UPB1: variants seen among roughly 807,000 people sequenced by gnomAD.
UPB1 encodes the protein beta-ureidopropionase 1.
In UPB1, 40 loss-of-function variants were observed where a neutral mutation model predicts 49.1. The ratio of observed to expected loss-of-function variants is 0.81; its 90% confidence interval spans 0.63 to 1.06. The LOEUF is 1.06. UPB1 is among the 50% of genes least tolerant of loss of function. The pLI, the probability that UPB1 is intolerant of heterozygous loss-of-function variation, is 0.00. For synonymous variants in UPB1, 207 were observed against 198.2 expected (o/e 1.04, Z -0.38); for missense variants, 499 against 505.9 (o/e 0.99, Z 0.13).
chr22:24,510,629 C>A, intron 3 of UPB1, 120 bp from the exon 4 acceptor site: 1 of 1,089,834 alleles, frequency 9.2e-7, no homozygotes, highest in Non-Finnish European at 1.4e-6. Context: ...GACCCAGAAG[C>A]CAGGCCATGG....
At chr22:24,514,337 GC>G (rs2044257570) in intron 5 of UPB1, among the ~76,000 whole-genome samples, 2 of 152,070 alleles carry the variant, frequency 1.3e-5, no homozygotes, top group Admixed American at 6.6e-5. Context: ...GGGAAGACGC[GC>G]CCCTCACCTG....
chr22:24,495,432 A>C lies in UPB1; in HGVS notation c.29A>C (p.Glu10Ala). The change falls in exon 1 of 10, where the codon GAG (glutamate) becomes GCG (alanine). Residue 10 changes from glutamate to alanine, a missense_variant. Glu to Ala is a moderately radical substitution (Grantham distance 107). Coordinates refer to ENST00000326010, the MANE Select transcript of UPB1 (RefSeq NM_016327.3). MAGAEWKSL[E>A]ECLEKHLPLP... The stretch of plus-strand genomic sequence containing the variant: ...GCGGGCGCTGAGTGGAAGTCGCTGG[A>C]GGAATGCTTGGAGAAGCACCTGCCG... 6.2e-7 allele frequency: 1 copy of C among 1,613,670 alleles called. No homozygotes were observed. The highest frequency in any genetic ancestry group is 8.5e-7 in the Non-Finnish European group (1 of 1,180,032).
At chr22:24,514,727 T>A (rs2044263252) in intron 5 of UPB1, among the ~76,000 whole-genome samples, 1 of 152,164 alleles carries the variant, frequency 6.6e-6, no homozygotes, top group Non-Finnish European at 1.5e-5. Flanking sequence ...CCTTAATCAT[T>A]TGGGCGAGCT....
chr22:24,511,054 C>G (rs1449133071), intron 4 of UPB1, among the ~76,000 whole-genome samples: 3 of 152,034 alleles, frequency 2.0e-5, no homozygotes, highest in African/African-American at 7.2e-5. Flanking sequence ...GGGCCATTAG[C>G]TTTTTCAGGC....
chr22:24,496,422 C>T (rs866680077), intron 1 of UPB1, among the ~76,000 whole-genome samples: 5 of 150,788 alleles, frequency 3.3e-5, no homozygotes, highest in African/African-American at 1.2e-4. Context: ...CACACACACA[C>T]ACACGTCTTT....
chr22:24,499,374 T>G (rs2043948185), intron 1 of UPB1, among the ~76,000 whole-genome samples: 2 of 152,212 alleles, frequency 1.3e-5, no homozygotes, highest in African/African-American at 4.8e-5. Context: ...CCTCTGTGGC[T>G]TTCACCTTCG....
At chr22:24,502,604 C>A in intron 3 of UPB1, 2 of 714,888 alleles carry the variant, frequency 2.8e-6, no homozygotes, top group South Asian at 1.5e-5. Context: ...GTAGTATGTA[C>A]CTTTGTGGTT....
intron 2 of UPB1, among the ~76,000 whole-genome samples, chr22:24,501,262 G>A (rs934970195): frequency 6.6e-6 from 1 of 152,222 alleles, no homozygotes; most frequent in African/African-American, 2.4e-5. Context: ...TCTCAAAGGA[G>A]GAGACTATAG....
At chr22:24,516,318 G>A (rs879278162) in intron 6 of UPB1, among the ~76,000 whole-genome samples, 109 of 152,264 alleles carry the variant, frequency 7.2e-4, no homozygotes, top group Non-Finnish European at 2.4e-4. Context: ...CCGGAAGCCC[G>A]AGAACTGGGC....
chr22:24,496,404 T>TACATACAC (rs2043885327), intron 1 of UPB1, among the ~76,000 whole-genome samples: 1 of 126,894 alleles, frequency 7.9e-6, no homozygotes, highest in African/African-American at 2.8e-5. Flanking sequence ...CACACACACA[T>TACATACAC]ACACACACAC....
Position 24,515,278 on chromosome 22 carries a change from C to T in UPB1, c.699C>T (p.Cys233=). 1.2e-6 allele frequency: 2 copies of T among 1,614,180 alleles called. No individual in the cohort carries two copies. Among genetic ancestry groups the T allele is most frequent in the South Asian group, 2.2e-5 (2 of 91,078 alleles). The part of the protein sequence containing the change: ...TQFGRIAVNI[C]YGRHHPLNWL... ...TCGGAAGGATCGCGGTGAACATTTGCTACGGGCGGCACCACCCCCTCAACT... is the reference window on the plus strand; with the variant it reads ...TCGGAAGGATCGCGGTGAACATTTGTTACGGGCGGCACCACCCCCTCAACT... Residue 233 remains cysteine (C), a synonymous_variant, in exon 6 of 10, where the codon TGC becomes TGT. Coordinates refer to ENST00000326010, the MANE Select transcript of UPB1 (RefSeq NM_016327.3).
In UPB1 at chr22:24,522,592, G is replaced by A. The variant is rs190708552; in HGVS notation, c.916+564G>A. On this transcript the variant is annotated intron_variant, in intron 8 of 9. Coordinates refer to ENST00000326010, the MANE Select transcript of UPB1 (RefSeq NM_016327.3). ...TCACCAAGGAGGTATCTGAACCTTGGTGAGGTAGCTTGGACACTTGGAGGT... is the reference window on the plus strand; with the variant it reads ...TCACCAAGGAGGTATCTGAACCTTGATGAGGTAGCTTGGACACTTGGAGGT... Among the ~76,000 whole-genome samples the A allele has an allele frequency of 1.8e-3, 276 of 152,074 alleles. 2 individuals are homozygous for A. The highest frequency in any genetic ancestry group is 6.4e-3 in the African/African-American group (265 of 41,484).
At chr22:24,519,197 T>C (rs554754798) in intron 6 of UPB1, among the ~76,000 whole-genome samples, 9 of 152,266 alleles carry the variant, frequency 5.9e-5, no homozygotes, top group Admixed American at 3.9e-4. Flanking sequence ...ATGAGTCCCC[T>C]CAATCAAGCC....
At chr22:24,496,155 A>G (rs1046784682) in intron 1 of UPB1, among the ~76,000 whole-genome samples, 3 of 151,704 alleles carry the variant, frequency 2.0e-5, no homozygotes, top group African/African-American at 7.3e-5. Context: ...GATTGCTTGA[A>G]CTCAGGAGTT....
chr22:24,517,750 G>C (rs920161427), intron 6 of UPB1, among the ~76,000 whole-genome samples: 20 of 152,350 alleles, frequency 1.3e-4, no homozygotes, highest in African/African-American at 4.8e-4. Flanking sequence ...GTGTGGTGAG[G>C]CTGGCAGTAA....
intron 1 of UPB1, among the ~76,000 whole-genome samples, chr22:24,497,356 C>T (rs2043911327): frequency 6.6e-6 from 1 of 152,182 alleles, no homozygotes; most frequent in South Asian, 2.1e-4. Context: ...GATTCACCCC[C>T]GCCATGAGCA....
chr22:24,495,646 A>G (rs2043856655), intron 1 of UPB1, 139 bp downstream of exon 1: 1 of 905,228 alleles, frequency 1.1e-6, no homozygotes, highest in African/African-American at 1.6e-5. Context: ...CAGAGACCAT[A>G]GTAGGTCTTG....
chr22:24,497,614 G>GCC lies in UPB1; in HGVS notation c.104+2108_104+2109dup, dbSNP rs1331326057. 2.0e-3 allele frequency among the ~76,000 whole-genome samples: 305 copies of GCC among 152,292 alleles called. 4 individuals are homozygous for GCC. Among genetic ancestry groups the GCC allele is most frequent in the Middle Eastern group, 3.4e-3 (1 of 294 alleles). On this transcript the variant is annotated intron_variant, in intron 1 of 9. Coordinates refer to ENST00000326010, the MANE Select transcript of UPB1 (RefSeq NM_016327.3). ...TTGAAGGGAAGCCCTGAGTGGGGAG[G>GCC]CCTCAGTAGCAGGGTGAGGGGTAGA...
At chr22:24,523,051 C>T (rs1403256670) in intron 8 of UPB1, among the ~76,000 whole-genome samples, 1 of 151,908 alleles carries the variant, frequency 6.6e-6, no homozygotes, top group East Asian at 1.9e-4. Flanking sequence ...GGTCCCCCGA[C>T]TTCTAGAGTC....
Sources: gnomAD v4.1 joint callset for allele counts (sites outside exome capture counted in the v4.1 genomes callset) on GRCh38, gnomAD v4.1.1 for gene constraint, MANE v1.5 for transcripts, NCBI Gene and HGNC (gene_info 2026-07-23, HGNC 2026-07-21) for gene names.